LRFN2: variants seen among roughly 807,000 people sequenced by gnomAD.
LRFN2 encodes leucine-rich repeat and fibronectin type-III domain-containing protein 2.
Under a neutral mutation model 37.3 loss-of-function variants are expected in LRFN2, and 18 were observed. That is an observed-to-expected ratio of 0.48 (90% CI 0.33 to 0.72). LRFN2 has a LOEUF of 0.72. LRFN2 is among the 30% of genes least tolerant of loss of function. LRFN2 has a pLI of 0.02. For missense variants in LRFN2, 1,006 were observed against 1,060.7 expected, an observed-to-expected ratio of 0.95 and a Z score of 0.72; for synonymous variants, 556 against 466.6, an observed-to-expected ratio of 1.19 and a Z score of -2.47.
intron 1 of LRFN2, among the ~76,000 whole-genome samples, chr6:40,451,684 G>A (rs1385073619): frequency 6.6e-6 from 1 of 152,190 alleles, no homozygotes; most frequent in East Asian, 1.9e-4. Context: ...AGAAGGAGCT[G>A]TAGTGCCAGG....
chr6:40,586,695 C>T (rs1029145203), intron 1 of LRFN2, among the ~76,000 whole-genome samples: 4 of 152,154 alleles, frequency 2.6e-5, no homozygotes, highest in African/African-American at 9.7e-5. Context: ...CCGGCTCTCC[C>T]CGCTCCCCGC....
At chr6:40,518,861 C>T (rs1765964296) in intron 1 of LRFN2, among the ~76,000 whole-genome samples, 1 of 152,118 alleles carries the variant, frequency 6.6e-6, no homozygotes. Context: ...TGAACTGAGC[C>T]AGGGGAGCAG....
chr6:40,445,753 T>C (rs1030347669), intron 1 of LRFN2, among the ~76,000 whole-genome samples: 2 of 152,196 alleles, frequency 1.3e-5, no homozygotes, highest in African/African-American at 4.8e-5. Flanking sequence ...CCAGCCACTT[T>C]GTAGGACTAA....
At chr6:40,459,757 A>G (rs1764306959) in intron 1 of LRFN2, among the ~76,000 whole-genome samples, 1 of 152,248 alleles carries the variant, frequency 6.6e-6, no homozygotes, top group Non-Finnish European at 1.5e-5. Context: ...GTGAAGACAC[A>G]CAGCAAAGAC....
intron 1 of LRFN2, among the ~76,000 whole-genome samples, chr6:40,586,264 G>A (rs1466901519): frequency 6.6e-6 from 1 of 152,120 alleles, no homozygotes; most frequent in Non-Finnish European, 1.5e-5. Flanking sequence ...GGCTGGGTGG[G>A]AGACAGAGAC....
chr6:40,539,403 G>T (rs146558593), intron 1 of LRFN2, among the ~76,000 whole-genome samples: 2 of 152,320 alleles, frequency 1.3e-5, no homozygotes, highest in African/African-American at 4.8e-5. Context: ...GAGAATAGAG[G>T]AATAAATAAA....
intron 2 of LRFN2, among the ~76,000 whole-genome samples, chr6:40,426,694 C>A (rs928201354): frequency 1.3e-5 from 2 of 152,168 alleles, no homozygotes; most frequent in African/African-American, 4.8e-5. Context: ...ACAAATACTT[C>A]GAATAAGTTA....
intron 1 of LRFN2, among the ~76,000 whole-genome samples, chr6:40,573,634 G>A (rs1767225562): frequency 6.6e-6 from 1 of 152,206 alleles, no homozygotes; most frequent in Admixed American, 6.5e-5. Context: ...TGTGACCTGG[G>A]TAGGGTGCCC....
At chr6:40,507,310 T>G (rs1765571525) in intron 1 of LRFN2, among the ~76,000 whole-genome samples, 2 of 152,220 alleles carry the variant, frequency 1.3e-5, no homozygotes, top group East Asian at 1.9e-4. Flanking sequence ...TTTACCTGTC[T>G]TCTGTACCCT....
intron 1 of LRFN2, among the ~76,000 whole-genome samples, chr6:40,542,138 T>G (rs1044447345): frequency 6.6e-6 from 1 of 152,230 alleles, no homozygotes; most frequent in Non-Finnish European, 1.5e-5. Context: ...CCAAGTGAAC[T>G]GCTGCTTTTG....
At chr6:40,498,843 C>T (rs1361706456) in intron 1 of LRFN2, among the ~76,000 whole-genome samples, 4 of 152,006 alleles carry the variant, frequency 2.6e-5, no homozygotes, top group Non-Finnish European at 4.4e-5. Flanking sequence ...TATACAGAGA[C>T]TCTACACAAA....
intron 2 of LRFN2, among the ~76,000 whole-genome samples, chr6:40,401,243 A>C (rs1003975723): frequency 2.0e-5 from 3 of 151,932 alleles, no homozygotes; most frequent in East Asian, 1.9e-4. Flanking sequence ...CTTCCAGTCT[A>C]GGCTACACTC....
chr6:40,438,883 C>A (rs754123036), intron 1 of LRFN2, among the ~76,000 whole-genome samples: 1 of 152,158 alleles, frequency 6.6e-6, no homozygotes, highest in Non-Finnish European at 1.5e-5. Flanking sequence ...AGTTGTGGAA[C>A]TAGGCCCTTG....
intron 1 of LRFN2, among the ~76,000 whole-genome samples, chr6:40,472,449 G>A (rs1367281470): frequency 1.3e-5 from 2 of 152,250 alleles, no homozygotes; most frequent in African/African-American, 4.8e-5. Context: ...GAAGTGGGAG[G>A]ATTTAGGAGT....
Position 40,392,506 on chromosome 6 carries a change from C to T in LRFN2, c.1807G>A (p.Val603Met), listed in dbSNP as rs777460902. Reference sequence around the variant, plus strand: ...AAGTCCAGGAGCTCGTTGCGCACCACCACCTTCGGCGGGCCCTGCGGCGGG... The same window carrying T: ...AAGTCCAGGAGCTCGTTGCGCACCATCACCTTCGGCGGGCCCTGCGGCGGG... ...GAPPQGPPKV[V>M]VRNELLDFTA... The change falls in exon 3 of 3, where the codon GTG (valine) becomes ATG (methionine). Residue 603 changes from valine to methionine, a missense_variant. By Grantham distance (21) the Val-to-Met change is conservative. This residue lies in a region of LRFN2 where 398 missense variants were observed against 327.6 expected (regional missense o/e 1.21). Transcript: ENST00000338305. This position sits in a 1 kb window ranked among gnomAD's most constrained non-coding sequence, Gnocchi z 4.7. The T allele has an allele frequency of 4.4e-6, 7 of 1,586,034 alleles. No homozygotes were observed. The African/African-American group carries it at 6.7e-5, about 15-fold the overall frequency.
intron 1 of LRFN2, 150 bp downstream of exon 1, chr6:40,586,791 G>C (rs1449816318): frequency 6.6e-6 from 1 of 152,288 alleles, no homozygotes; most frequent in Non-Finnish European, 1.5e-5. Context: ...AAGAGAAGGG[G>C]GTGTCCGCAT....
chr6:40,452,765 C>A (rs1764141256), intron 1 of LRFN2, among the ~76,000 whole-genome samples: 1 of 152,094 alleles, frequency 6.6e-6, no homozygotes, highest in Non-Finnish European at 1.5e-5. Flanking sequence ...CCTTCTCCCC[C>A]AATACTTCCT....
chr6:40,424,787 CCTGTT>C (rs1043518605), intron 2 of LRFN2, among the ~76,000 whole-genome samples: 8 of 152,214 alleles, frequency 5.3e-5, no homozygotes, highest in African/African-American at 1.7e-4. Context: ...TCTCACAGGT[CCTGTT>C]CCTGGCATGC....
chr6:40,496,997 C>T lies in LRFN2; in HGVS notation c.-18-63866G>A, dbSNP rs116174144. Among the ~76,000 whole-genome samples the T allele has an allele frequency of 2.5e-3, 385 of 152,228 alleles. 8 individuals carry two copies. Among genetic ancestry groups the T allele is most frequent in the African/African-American group, 8.4e-3 (348 of 41,534 alleles). ...TCATACCCAACACACCTCCTGGTGT[C>T]GGGTGACTGGATGTAATAGAGCTTT... On this transcript the variant is annotated intron_variant, in intron 1 of 2. Coordinates refer to ENST00000338305, the MANE Select transcript of LRFN2 (RefSeq NM_020737.3).
Sources: gnomAD v4.1 joint callset for allele counts (sites outside exome capture counted in the v4.1 genomes callset) on GRCh38, gnomAD v4.1.1 for gene constraint, gnomAD v4.1.1 regional missense constraint, Gnocchi (gnomAD v3.1) non-coding constraint, MANE v1.5 for transcripts, NCBI Gene and HGNC (gene_info 2026-07-23, HGNC 2026-07-21) for gene names.